DNAH9: variants seen among roughly 807,000 people sequenced by gnomAD.
The protein encoded by DNAH9 is DNAH9 variant protein.
A neutral mutation model predicts 471.6 loss-of-function variants in DNAH9; 345 were observed. That is an observed-to-expected ratio of 0.73 (90% CI 0.67 to 0.80). The LOEUF (loss-of-function observed/expected upper bound fraction) is 0.80. Among genes scored for constraint, DNAH9 ranks in the 30% least tolerant of loss-of-function variants. The pLI, the probability that DNAH9 is intolerant of heterozygous loss-of-function variation, is 0.00. For missense variants in DNAH9, 5,407 were observed against 5,609.2 expected (o/e 0.96, Z 1.15); for synonymous variants, 2,093 against 2,123.6 (o/e 0.99, Z 0.40).
At chr17:11,779,006 C>CA (rs1009557582) in intron 38 of DNAH9, among the ~76,000 whole-genome samples, 40 of 150,118 alleles carry the variant, frequency 2.7e-4, no homozygotes, top group African/African-American at 7.1e-4. Context: ...AACTCCATCT[C>CA]AAAAAAAAAG....
chr17:11,904,921 AAGAGAG>A (rs1336473204), intron 60 of DNAH9, among the ~76,000 whole-genome samples: 1 of 152,066 alleles, frequency 6.6e-6, no homozygotes, highest in African/African-American at 2.4e-5. Flanking sequence ...GAGATGAAAG[AAGAGAG>A]AGAAAAATAA....
At chr17:11,884,014 C>A (rs752355287) in intron 56 of DNAH9, among the ~76,000 whole-genome samples, 1 of 152,134 alleles carries the variant, frequency 6.6e-6, no homozygotes, top group Non-Finnish European at 1.5e-5. Context: ...AACACTTAAG[C>A]CTTTGTGGGG....
Position 11,891,805 on chromosome 17 carries a change from T to C in DNAH9, c.11141T>C (p.Val3714Ala). ...KAFSIVFQKAVERAAPDESLR... is the reference protein window; with the variant it reads ...KAFSIVFQKAAERAAPDESLR... The stretch of plus-strand genomic sequence containing the variant: ...TTCAGTATCGTCTTCCAGAAGGCTG[T>C]GGAGAGGGCTGCTCCTGACGAAAGC... The change falls in exon 58 of 69, where the codon GTG (valine) becomes GCG (alanine). Residue 3714 changes from valine (V) to alanine (A), a missense_variant. Coordinates refer to ENST00000262442, the MANE Select transcript of DNAH9 (RefSeq NM_001372.4). The C allele has an allele frequency of 6.2e-7, 1 of 1,614,116 alleles. No homozygotes were observed. The highest frequency in any genetic ancestry group is 8.5e-7 in the Non-Finnish European group (1 of 1,180,004).
intron 35 of DNAH9, among the ~76,000 whole-genome samples, chr17:11,759,689 A>ATTT (rs35617747): frequency 1.6e-5 from 2 of 128,446 alleles, no homozygotes; most frequent in Non-Finnish European, 3.3e-5. Context: ...TGCCCACCTA[A>ATTT]TTTTTTTTTT....
intron 28 of DNAH9, among the ~76,000 whole-genome samples, chr17:11,737,678 T>C (rs1567761848): frequency 6.6e-6 from 1 of 152,204 alleles, no homozygotes; most frequent in Non-Finnish European, 1.5e-5. Flanking sequence ...GAGAGTAATC[T>C]AGAACATATA....
intron 68 of DNAH9, among the ~76,000 whole-genome samples, chr17:11,966,998 G>T (rs1174133011): frequency 7.7e-6 from 1 of 130,162 alleles, no homozygotes; most frequent in Non-Finnish European, 1.5e-5. Flanking sequence ...TCATGCCATT[G>T]CACTCCAGCC....
chr17:11,841,649 T>C (rs947257957), intron 49 of DNAH9, among the ~76,000 whole-genome samples: 4 of 152,166 alleles, frequency 2.6e-5, no homozygotes, highest in African/African-American at 9.7e-5. Flanking sequence ...TCAATTTACA[T>C]TGTCAGGGTG....
At chr17:11,753,781 AG>A (rs1967257294) in intron 33 of DNAH9, among the ~76,000 whole-genome samples, 1 of 152,222 alleles carries the variant, frequency 6.6e-6, no homozygotes, top group South Asian at 2.1e-4. Flanking sequence ...TTAGAATAAA[AG>A]TATGCTCTCC....
intron 61 of DNAH9, among the ~76,000 whole-genome samples, chr17:11,922,402 C>T (rs1974166966): frequency 6.6e-6 from 1 of 152,266 alleles, no homozygotes; most frequent in East Asian, 1.9e-4. Flanking sequence ...TGGTATTATA[C>T]ATTTTTATGA....
chr17:11,726,195 G>A (rs2075148674), intron 27 of DNAH9, among the ~76,000 whole-genome samples: 1 of 152,016 alleles, frequency 6.6e-6, no homozygotes, highest in South Asian at 2.1e-4. Flanking sequence ...TCTTGTGTGT[G>A]TCCTAAAGCA....
At chr17:11,954,793 GAGAA>G (rs1975556672) in intron 67 of DNAH9, among the ~76,000 whole-genome samples, 2 of 137,604 alleles carry the variant, frequency 1.5e-5, no homozygotes, top group Non-Finnish European at 3.2e-5. Flanking sequence ...AAAAAAGAGA[GAGAA>G]AGAAATTTCT....
At chr17:11,834,493 T>C in intron 48 of DNAH9, 145 bp from the exon 49 acceptor site, 1 of 981,340 alleles carries the variant, frequency 1.0e-6, no homozygotes, top group Non-Finnish European at 1.5e-6. Flanking sequence ...ACAGCGCAGC[T>C]TTGTACCTTT....
rs868213324 is a variant in DNAH9 at position 11,621,333 on chromosome 17, G to A, written c.1350+1552G>A. ...TGAGGCAGGAGAATCGTTTGAACTC[G>A]GGAGGTAGAGGTTGCAGTGAGCCAA... On this transcript the variant is annotated intron_variant, in intron 6 of 68. Transcript: ENST00000262442. Among the ~76,000 whole-genome samples, 7 of 151,268 alleles carry A rather than the reference G, an allele frequency of 4.6e-5. 1 individual carries two copies. Among genetic ancestry groups the A allele is most frequent in the East Asian group, 2.0e-4 (1 of 5,114 alleles).
chr17:11,627,421 A>C (rs536404814), intron 6 of DNAH9, among the ~76,000 whole-genome samples: 19 of 152,332 alleles, frequency 1.2e-4, no homozygotes, highest in Non-Finnish European at 2.5e-4. Context: ...AATGGTACGA[A>C]GTATTTCCTA....
intron 26 of DNAH9, among the ~76,000 whole-genome samples, chr17:11,712,174 A>G (rs779612660): frequency 2.9e-4 from 41 of 140,252 alleles, no homozygotes; most frequent in Middle Eastern, 3.7e-3. Context: ...TAATAAATAT[A>G]TTAAATTTAT....
At chr17:11,911,885 ATCT>A (rs1476532411) in intron 61 of DNAH9, among the ~76,000 whole-genome samples, 4 of 149,298 alleles carry the variant, frequency 2.7e-5, no homozygotes, top group Non-Finnish European at 4.4e-5. Context: ...TTACATACTG[ATCT>A]TCTTCAAACT....
rs1373950327 is a variant in DNAH9, at chr17:11,651,125, G to A, written c.2154G>A (p.Met718Ile). 11 of 1,614,020 alleles carry A rather than the reference G, an allele frequency of 6.8e-6. No individual in the cohort carries two copies. The Admixed American group carries it at 1.8e-4, about 27-fold the overall frequency. The change falls in exon 13 of 69, where the codon ATG becomes ATA. Residue 718 changes from methionine (M) to isoleucine (I), a missense_variant. Transcript: ENST00000262442. Reference protein sequence around the residue: ...SYLEPREMKHMPETAAAMFSS... With the variant: ...SYLEPREMKHIPETAAAMFSS... ...TTGAACCCAGAGAGATGAAACACAT[G>A]CCTGAGACAGCAGCAGCCATGTTCT...
chr17:11,790,271 G>A (rs572391156), intron 41 of DNAH9, among the ~76,000 whole-genome samples: 4 of 151,840 alleles, frequency 2.6e-5, no homozygotes, highest in Non-Finnish European at 4.4e-5. Context: ...GAGATGTTAC[G>A]ATATTTCACT....
intron 55 of DNAH9, 133 bp downstream of exon 55, chr17:11,881,546 ACC>A: frequency 1.2e-6 from 1 of 855,098 alleles, no homozygotes; most frequent in South Asian, 1.9e-5. Context: ...AAGACTGCTG[ACC>A]CCATGTAGCA....
Sources: allele counts gnomAD v4.1 joint callset (sites outside exome capture counted in the v4.1 genomes callset), GRCh38; gene constraint gnomAD v4.1.1; transcripts MANE v1.5; gene names NCBI Gene and HGNC (gene_info 2026-07-23, HGNC 2026-07-21).